RNF216: variants seen among roughly 807,000 people sequenced by gnomAD.
RNF216 encodes the protein ring finger protein 216.
A neutral mutation model predicts 110.8 loss-of-function variants in RNF216; 72 were observed. That is an observed-to-expected ratio of 0.65 (90% CI 0.54 to 0.79). The LOEUF (loss-of-function observed/expected upper bound fraction) is 0.79, where lower values mean the gene tolerates loss of function less well. RNF216 is among the 30% of genes least tolerant of loss of function. The probability of loss-of-function intolerance (pLI) is 0.00; values close to 1 mark genes in which losing one functional copy is unlikely to be tolerated. For synonymous variants in RNF216, 495 were observed against 407.5 expected (o/e 1.21, Z -2.59); for missense variants, 1,342 against 1,141.2 (o/e 1.18, Z -2.54).
chr7:5,708,579 T>G (rs1301662790), intron 13 of RNF216, among the ~76,000 whole-genome samples: 1 of 152,254 alleles, frequency 6.6e-6, no homozygotes, highest in East Asian at 1.9e-4. Flanking sequence ...ATACTCATAC[T>G]TTATTCTAAA....
intron 14 of RNF216, among the ~76,000 whole-genome samples, chr7:5,651,116 G>T (rs79153839): frequency 0.038 from 5,848 of 152,256 alleles, 140 homozygotes; most frequent in Non-Finnish European, 0.051. Context: ...TTGGCAAGTT[G>T]TCTATTTCCC....
At chr7:5,739,472 C>A in intron 4 of RNF216, 120 bp from the exon 5 acceptor site, 1 of 985,700 alleles carries the variant, frequency 1.0e-6, no homozygotes, top group Non-Finnish European at 1.6e-6. Context: ...GGCTGTGAAG[C>A]AGGTCTGTGT....
At chr7:5,748,375 G>A (rs867829885) in intron 3 of RNF216, among the ~76,000 whole-genome samples, 1 of 152,084 alleles carries the variant, frequency 6.6e-6, no homozygotes, top group African/African-American at 2.4e-5. Flanking sequence ...TAAGAAACAA[G>A]CTAAATTCCA....
At chr7:5,683,904 C>CA in intron 13 of RNF216, among the ~76,000 whole-genome samples, 1 of 152,146 alleles carries the variant, frequency 6.6e-6, no homozygotes, top group East Asian at 1.9e-4. Flanking sequence ...CTCCAGCCTG[C>CA]ACAGAGAATA....
chr7:5,772,935 T>C (rs1463879335), intron 1 of RNF216, among the ~76,000 whole-genome samples: 4 of 152,082 alleles, frequency 2.6e-5, no homozygotes, highest in East Asian at 3.9e-4. Context: ...TGCGCCACCA[T>C]GTCTGGCTAA....
intron 3 of RNF216, among the ~76,000 whole-genome samples, chr7:5,749,579 T>A (rs1053387509): frequency 1.3e-5 from 2 of 152,238 alleles, no homozygotes; most frequent in Non-Finnish European, 2.9e-5. Flanking sequence ...TGTGTCATTA[T>A]AATGAACTCT....
chr7:5,769,043 TAATGA>T (rs1196831337), intron 1 of RNF216, among the ~76,000 whole-genome samples: 3 of 151,264 alleles, frequency 2.0e-5, no homozygotes, highest in African/African-American at 7.3e-5. Context: ...AACTGAAAGA[TAATGA>T]AAACAAAATA....
chr7:5,756,371 T>A (rs1019646179), intron 2 of RNF216, among the ~76,000 whole-genome samples: 1 of 152,186 alleles, frequency 6.6e-6, no homozygotes, highest in African/African-American at 2.4e-5. Flanking sequence ...GCTACAATGG[T>A]ATAGCTGAAT....
intron 15 of RNF216, among the ~76,000 whole-genome samples, chr7:5,626,850 T>C (rs553791162): frequency 3.8e-4 from 58 of 152,284 alleles, no homozygotes; most frequent in African/African-American, 1.2e-3. Flanking sequence ...GTAAAGGATG[T>C]AGCCCAAAGT....
rs776382188 is a variant in RNF216, at chr7:5,730,731, C to T, written c.1208G>A (p.Ser403Asn). The T allele has an allele frequency of 1.9e-6, 3 of 1,607,862 alleles. No homozygotes were observed. The highest frequency in any genetic ancestry group is 2.2e-5 in the South Asian group (2 of 90,732). Residue 403 changes from serine (S) to asparagine (N), a missense_variant, in exon 6 of 17, where the codon AGC becomes AAC. Coordinates refer to ENST00000389902, the MANE Select transcript of RNF216 (RefSeq NM_207111.4). Reference sequence around the variant, plus strand: ...GACACTTGCCTTTGTCTCATCTTGGCTGGCCAGCAGACTGCTACTGGGATT... The same window carrying T: ...GACACTTGCCTTTGTCTCATCTTGGTTGGCCAGCAGACTGCTACTGGGATT... ...IINPSSSLLA[S>N]QDETKLPKID... is the part of the protein sequence containing the mutation.
rs1006438370 is a variant in RNF216, at chr7:5,723,281, G to A, written c.1504+2043C>T. 3.9e-5 allele frequency among the ~76,000 whole-genome samples: 6 copies of A among 152,102 alleles called. No individual in the cohort carries two copies. In the Middle Eastern group the frequency reaches 0.01, roughly 259 times the overall value. On this transcript the variant is annotated intron_variant, in intron 8 of 16. Coordinates refer to ENST00000389902, the MANE Select transcript of RNF216 (RefSeq NM_207111.4). ...AAAATTTTCACCTATTATTTCTTTC[G>A]TCTTTACTCAGTTCTTTTTGTAGTT...
intron 13 of RNF216, among the ~76,000 whole-genome samples, chr7:5,677,365 G>T (rs999772609): frequency 6.6e-5 from 10 of 152,144 alleles, no homozygotes; most frequent in Non-Finnish European, 1.5e-4. Flanking sequence ...TATCTCCATT[G>T]TAAGACTGGA....
At chr7:5,781,203 G>A (rs1797069222) in intron 1 of RNF216, among the ~76,000 whole-genome samples, 1 of 152,130 alleles carries the variant, frequency 6.6e-6, no homozygotes, top group African/African-American at 2.4e-5. Context: ...GCGGCCTCGG[G>A]CCCGGGGGAG....
rs1404104441 is a variant in RNF216, at chr7:5,674,493, T to C, written c.2062-21983A>G. On this transcript the variant is annotated intron_variant, in intron 13 of 16. Transcript: ENST00000389902. ...AAAAAAAAAAAAAGGCCAGGTGTGGTGGCACACACCTGTAGTCCCAGCTAA... is the reference window on the plus strand; with the variant it reads ...AAAAAAAAAAAAAGGCCAGGTGTGGCGGCACACACCTGTAGTCCCAGCTAA... Among the ~76,000 whole-genome samples the C allele has an allele frequency of 9.5e-5, 14 of 147,788 alleles. No individual in the cohort carries two copies. In the East Asian group the frequency reaches 2.6e-3, roughly 27 times the overall value.
intron 13 of RNF216, among the ~76,000 whole-genome samples, chr7:5,669,028 A>G (rs563757840): frequency 6.6e-6 from 1 of 152,274 alleles, no homozygotes; most frequent in Admixed American, 6.5e-5. Context: ...AGTTCTGTGG[A>G]CCTAATATTA....
intron 5 of RNF216, among the ~76,000 whole-genome samples, chr7:5,737,535 A>G (rs1794494045): frequency 6.6e-6 from 1 of 151,036 alleles, no homozygotes; most frequent in Non-Finnish European, 1.5e-5. Flanking sequence ...TAATAATAAT[A>G]ATAATAATAA....
At chr7:5,776,213 CA>C (rs1796765571) in intron 1 of RNF216, among the ~76,000 whole-genome samples, 3 of 152,006 alleles carry the variant, frequency 2.0e-5, no homozygotes, top group Non-Finnish European at 4.4e-5. Context: ...GGGAATACAT[CA>C]AAACAAACTC....
intron 13 of RNF216, among the ~76,000 whole-genome samples, chr7:5,700,911 C>T (rs1210715047): frequency 6.6e-6 from 1 of 152,168 alleles, no homozygotes; most frequent in Non-Finnish European, 1.5e-5. Context: ...CTCTCCACTG[C>T]AACTAATTTG....
intron 15 of RNF216, among the ~76,000 whole-genome samples, chr7:5,626,889 C>G (rs1786742155): frequency 6.6e-6 from 1 of 152,132 alleles, no homozygotes; most frequent in South Asian, 2.1e-4. Flanking sequence ...CACAGGAACA[C>G]TGAAAAATGA....
Sources: gnomAD v4.1 joint callset for allele counts (sites outside exome capture counted in the v4.1 genomes callset) on GRCh38, gnomAD v4.1.1 for gene constraint, MANE v1.5 for transcripts, NCBI Gene and HGNC (gene_info 2026-07-23, HGNC 2026-07-21) for gene names.